Variants in SNHG17 observed in about 807,000 individuals in gnomAD.
SNHG17 encodes small nucleolar RNA host gene 17 (non-protein coding).
chr20:38,429,916 A>G, intron 3 of SNHG17: 1 of 433,234 alleles, frequency 2.3e-6, no homozygotes, highest in East Asian at 7.6e-5. Context: ...ACAGCCTAAG[A>G]TTACAGATGC....
At chr20:38,430,374 A>C (rs1342968364) in intron 3 of SNHG17, among the ~76,000 whole-genome samples, 5 of 152,126 alleles carry the variant, frequency 3.3e-5, no homozygotes, top group Non-Finnish European at 7.4e-5. Flanking sequence ...TCACACCTGT[A>C]ATCACAGCAC....
At chr20:38,423,756 G>A (rs1329336963) in intron 5 of SNHG17, among the ~76,000 whole-genome samples, 1 of 152,050 alleles carries the variant, frequency 6.6e-6, no homozygotes, top group South Asian at 2.1e-4. Flanking sequence ...ACTAAAAACG[G>A]TGACTATGTG....
intron 3 of SNHG17, chr20:38,427,524 G>T: frequency 2.6e-6 from 1 of 377,868 alleles, no homozygotes. Flanking sequence ...GACAGTACAA[G>T]ACTCCTGCAG....
chr20:38,432,690 C>A (rs1201758996), intron 2 of SNHG17, among the ~76,000 whole-genome samples: 1 of 152,198 alleles, frequency 6.6e-6, no homozygotes, highest in Non-Finnish European at 1.5e-5. Flanking sequence ...TGTCACCTTA[C>A]AACTGAAGTC....
chr20:38,422,313 C>A (rs3752279), intron 5 of SNHG17: 35,177 of 152,260 alleles, frequency 0.23, 5,109 homozygotes, highest in African/African-American at 0.42. Context: ...TGGTCCAGCG[C>A]CCTGCTACTA....
intron 2 of SNHG17, among the ~76,000 whole-genome samples, chr20:38,431,855 G>GC (rs1386674433): frequency 6.6e-6 from 1 of 152,142 alleles, no homozygotes; most frequent in East Asian, 1.9e-4. Flanking sequence ...ATTCATGATG[G>GC]CCCCAAAGAG....
Position 38,434,002 on chromosome 20 carries a change from A to T in SNHG17, n.308+502T>A, listed in dbSNP as rs373415288. The T allele has an allele frequency of 1.3e-4, 70 of 518,996 alleles. 1 individual carries two copies. Among genetic ancestry groups the T allele is most frequent in the South Asian group, 7.4e-4 (53 of 71,540 alleles). 32.1% of individuals were successfully genotyped at this position (518,996 alleles called of 1,614,324 possible). A position where few individuals can be genotyped will look rare whatever the true frequency, so the allele number is the denominator to read the frequency against. On this transcript the variant is annotated intron_variant and non_coding_transcript_variant, in intron 2 of 8. Transcript: ENST00000654008. ...ACGATCACTTTCGAATACAGGTGCA[A>T]AAAAGGGCAGGTGAGCCCACGTCAG...
chr20:38,435,002 T>G (rs2122740842), intron 1 of SNHG17: 1 of 1,230,120 alleles, frequency 8.1e-7, no homozygotes, highest in South Asian at 4.2e-5. Context: ...CGCTCAGCAC[T>G]GCCGCGGCCA....
intron 5 of SNHG17, among the ~76,000 whole-genome samples, chr20:38,424,698 G>C (rs1048394772): frequency 6.6e-6 from 1 of 152,324 alleles, no homozygotes; most frequent in South Asian, 2.1e-4. Flanking sequence ...CCAGTGCTGA[G>C]AGGTGGGAAG....
chr20:38,431,700 G>C (rs1320767947), intron 2 of SNHG17, among the ~76,000 whole-genome samples: 1 of 152,206 alleles, frequency 6.6e-6, no homozygotes, highest in Non-Finnish European at 1.5e-5. Flanking sequence ...AAGCTAGGGA[G>C]TAGTGGTAAA....
exon 8 of SNHG17, chr20:38,420,648 T>C (rs1325530962): frequency 2.0e-5 from 3 of 152,104 alleles, no homozygotes; most frequent in Non-Finnish European, 4.4e-5. Flanking sequence ...AGCTACAAAT[T>C]CAAAAATAAA....
At chr20:38,421,293 C>A (rs1298727505) in intron 6 of SNHG17, 2 of 152,180 alleles carry the variant, frequency 1.3e-5, no homozygotes, top group East Asian at 3.8e-4. Flanking sequence ...AAGCAGTTCA[C>A]AATCGGGGCA....
intron 1 of SNHG17, chr20:38,435,024 C>T: frequency 8.1e-7 from 1 of 1,230,942 alleles, no homozygotes; most frequent in Non-Finnish European, 1.0e-6. Context: ...GGGCGCGACT[C>T]ACCTGCCAGT....
At chr20:38,435,293 G>A (rs1425633032) in exon 1 of SNHG17, 1 of 1,231,616 alleles carries the variant, frequency 8.1e-7, no homozygotes, top group African/African-American at 1.6e-5. Context: ...GCGGTGGCGT[G>A]CGATGGCGAA....
At chr20:38,427,597 CCT>C (rs572209631) in intron 3 of SNHG17, 88 of 206,630 alleles carry the variant, frequency 4.3e-4, no homozygotes, top group Middle Eastern at 2.9e-3. Flanking sequence ...AGGGGAAACA[CCT>C]CTGACAAAAG....
intron 3 of SNHG17, chr20:38,430,994 C>A (rs1256660924): frequency 6.6e-6 from 1 of 152,606 alleles, no homozygotes; most frequent in East Asian, 1.9e-4. Flanking sequence ...GGCCTCACAA[C>A]CTGCAGAGAA....
At chr20:38,429,941 A>G in intron 3 of SNHG17, 1 of 395,228 alleles carries the variant, frequency 2.5e-6, no homozygotes, top group Non-Finnish European at 4.8e-6. Context: ...TCTGACTCCC[A>G]GAGATCACTT....
chr20:38,422,492 C>G (rs183194106), intron 5 of SNHG17, among the ~76,000 whole-genome samples: 6 of 152,306 alleles, frequency 3.9e-5, no homozygotes, highest in Admixed American at 3.9e-4. Context: ...AAACGTAACT[C>G]TAGGAAGAGG....
chr20:38,426,641 T>TC (rs2084253445), intron 3 of SNHG17: 2 of 151,138 alleles, frequency 1.3e-5, no homozygotes, highest in Admixed American at 1.3e-4. Context: ...CCCTTGGTCC[T>TC]CCCTCTCTAG....
Sources: allele counts gnomAD v4.1 joint callset (sites outside exome capture counted in the v4.1 genomes callset), GRCh38; gene constraint gnomAD v4.1.1; transcripts MANE v1.5; gene names NCBI Gene and HGNC (gene_info 2026-07-23, HGNC 2026-07-21).